DSE: variants seen among roughly 807,000 people sequenced by gnomAD.
DSE encodes dermatan sulfate epimerase.
Under a neutral mutation model 84.4 loss-of-function variants are expected in DSE, and 36 were observed. That is an observed-to-expected ratio of 0.43 (90% CI 0.33 to 0.56). DSE has a LOEUF of 0.56. Ranked by LOEUF, DSE falls within the 20% of genes least tolerant of loss-of-function variation. The probability of loss-of-function intolerance (pLI) is 0.06; values close to 1 mark genes in which losing one functional copy is unlikely to be tolerated. For synonymous variants in DSE, 410 were observed against 430.1 expected (o/e 0.95, Z 0.58); for missense variants, 862 against 1,169.6 (o/e 0.74, Z 3.84).
At chr6:116,399,777 G>T (rs375786450) in intron 2 of DSE, 111 bp downstream of exon 2, 93 of 1,043,582 alleles carry the variant, frequency 8.9e-5, no homozygotes, top group East Asian at 8.1e-4. Flanking sequence ...GTATGTGTGT[G>T]GGGGGAGGTG....
At position 116,442,154 on chromosome 6, in the gene DSE, G is replaced by A. The variant is rs568061171; in HGVS notation, c.*4809G>A. The A allele has an allele frequency of 5.9e-5, 9 of 152,332 alleles. No individual in the cohort carries two copies. The East Asian group carries it at 7.7e-4, about 13-fold the overall frequency. The allele number at this position is 152,332 out of a possible 1,614,324, so 9.4% of individuals were successfully genotyped here. ...AGCATTCCAGATAGAACAGCAGTTC[G>A]AAGGCCCTGAGCTCAGTATGTGTTT... On this transcript the variant is annotated 3_prime_UTR_variant, in exon 6 of 6. Transcript: ENST00000644252.
intron 2 of DSE, among the ~76,000 whole-genome samples, chr6:116,308,885 G>A (rs1053308817): frequency 6.6e-6 from 1 of 152,058 alleles, no homozygotes; most frequent in Non-Finnish European, 1.5e-5. Context: ...ACAGTGCCCG[G>A]CCTTGTTGCA....
At chr6:116,408,387 G>A (rs1166811798) in intron 2 of DSE, among the ~76,000 whole-genome samples, 1 of 151,998 alleles carries the variant, frequency 6.6e-6, no homozygotes, top group East Asian at 1.9e-4. Context: ...GCATTTTTCG[G>A]GGTTCCAAGA....
intron 4 of DSE, among the ~76,000 whole-genome samples, 164 bp downstream of exon 4, chr6:116,431,357 T>C (rs1783829127): frequency 6.6e-6 from 1 of 152,230 alleles, no homozygotes; most frequent in Non-Finnish European, 1.5e-5. Flanking sequence ...GAGTTGCATA[T>C]AGCCAGAACA....
intron 2 of DSE, chr6:116,278,308 C>G (rs1330621707): frequency 4.9e-6 from 3 of 607,522 alleles, no homozygotes; most frequent in Non-Finnish European, 8.7e-6. Context: ...TATTCCAGAA[C>G]AGCATGAAGG....
chr6:116,301,583 T>A (rs778452307), intron 2 of DSE, among the ~76,000 whole-genome samples: 1 of 152,330 alleles, frequency 6.6e-6, no homozygotes, highest in Non-Finnish European at 1.5e-5. Flanking sequence ...TCTGATTATG[T>A]CACATCCTTA....
chr6:116,348,111 A>C (rs561140605), intron 2 of DSE, among the ~76,000 whole-genome samples: 29 of 152,314 alleles, frequency 1.9e-4, no homozygotes, highest in African/African-American at 6.7e-4. Context: ...ATCTCACACC[A>C]GTTAGAATGG....
intron 2 of DSE, among the ~76,000 whole-genome samples, chr6:116,344,521 A>T (rs1355898415): frequency 1.3e-5 from 2 of 150,212 alleles, no homozygotes; most frequent in Admixed American, 1.3e-4. Context: ...AGAATTTCAT[A>T]TCCAGCCAAA....
intron 2 of DSE, among the ~76,000 whole-genome samples, chr6:116,364,968 G>A (rs1414658036): frequency 6.6e-6 from 1 of 151,402 alleles, no homozygotes; most frequent in African/African-American, 2.4e-5. Flanking sequence ...TGAGTAACTG[G>A]GATTACAGTG....
At position 116,426,825 on chromosome 6, in the gene DSE, A is replaced by G; in HGVS notation, c.668A>G (p.Gln223Arg). 6.2e-7 allele frequency: 1 copy of G among 1,609,466 alleles called. No homozygotes were observed. Among genetic ancestry groups the G allele is most frequent in the Non-Finnish European group, 8.5e-7 (1 of 1,176,640 alleles). The part of the protein sequence containing the change: ...LLTGSLVLMN[Q>R]GYLQEAYLWT... ...ACGGGAAGCCTAGTCCTGATGAATC[A>G]AGGTGGGTGTGGACACAGCCAAGGT... The change falls in exon 3 of 6, where the codon CAA (glutamine) becomes CGA (arginine). Residue 223 changes from glutamine (Q) to arginine (R), a missense_variant and splice_region_variant. Physicochemically the swap from Gln to Arg is conservative, Grantham distance 43 (BLOSUM62 1). Coordinates refer to ENST00000644252, the MANE Select transcript of DSE (RefSeq NM_013352.4).
intron 2 of DSE, among the ~76,000 whole-genome samples, chr6:116,404,239 G>A (rs1356789948): frequency 6.6e-6 from 1 of 152,180 alleles, no homozygotes; most frequent in Non-Finnish European, 1.5e-5. Context: ...ATAATTATTG[G>A]AAAACATTAC....
chr6:116,311,702 G>C (rs1471234795), intron 2 of DSE, among the ~76,000 whole-genome samples: 1 of 152,216 alleles, frequency 6.6e-6, no homozygotes, highest in Non-Finnish European at 1.5e-5. Context: ...CTTTGCACTT[G>C]CGATTCCTTG....
chr6:116,397,455 C>T (rs950259408), intron 1 of DSE, among the ~76,000 whole-genome samples: 1 of 152,112 alleles, frequency 6.6e-6, no homozygotes, highest in Non-Finnish European at 1.5e-5. Flanking sequence ...GGCCCGCCCG[C>T]CTCCGCCTCC....
chr6:116,323,768 G>A (rs1421645956), intron 2 of DSE, among the ~76,000 whole-genome samples: 1 of 152,100 alleles, frequency 6.6e-6, no homozygotes, highest in African/African-American at 2.4e-5. Context: ...AAATTAAGTT[G>A]GCAATAAGTT....
chr6:116,337,377 C>T (rs879707694), intron 2 of DSE, among the ~76,000 whole-genome samples: 20 of 152,108 alleles, frequency 1.3e-4, no homozygotes, highest in Non-Finnish European at 2.8e-4. Flanking sequence ...TTTGGGAGGC[C>T]GAGGCAGGTG....
intron 4 of DSE, among the ~76,000 whole-genome samples, chr6:116,431,521 T>C (rs1195946758): frequency 1.3e-5 from 2 of 152,126 alleles, no homozygotes; most frequent in Admixed American, 6.5e-5. Context: ...AAGCAAAATA[T>C]AAACATTTGT....
intron 2 of DSE, among the ~76,000 whole-genome samples, chr6:116,305,876 A>G (rs1195468964): frequency 6.6e-6 from 1 of 152,158 alleles, no homozygotes; most frequent in Non-Finnish European, 1.5e-5. Context: ...TCCTGACCTC[A>G]GGTGATCCAC....
chr6:116,320,890 A>G (rs889209029), intron 2 of DSE, among the ~76,000 whole-genome samples: 12 of 152,174 alleles, frequency 7.9e-5, no homozygotes, highest in African/African-American at 2.9e-4. Flanking sequence ...AGGGCTTAGC[A>G]TTTCAATATA....
chr6:116,398,939 C>T (rs1268451733), intron 1 of DSE, among the ~76,000 whole-genome samples: 1 of 152,166 alleles, frequency 6.6e-6, no homozygotes, highest in African/African-American at 2.4e-5. Context: ...TTTTTCCTTA[C>T]TTGAACAAAT....
Sources: allele counts gnomAD v4.1 joint callset (sites outside exome capture counted in the v4.1 genomes callset), GRCh38; gene constraint gnomAD v4.1.1; transcripts MANE v1.5; gene names NCBI Gene and HGNC (gene_info 2026-07-23, HGNC 2026-07-21).